Variants in PCDHGA7 observed in about 807,000 individuals in gnomAD.
The protein encoded by PCDHGA7 is protocadherin gamma subfamily A, 7.
A neutral mutation model predicts 58.3 loss-of-function variants in PCDHGA7; 44 were observed. That is an observed-to-expected ratio of 0.75 (90% CI 0.59 to 0.97). PCDHGA7 has a LOEUF of 0.97. PCDHGA7 is among the 50% of genes least tolerant of loss of function. PCDHGA7 has a pLI of 0.00. For synonymous variants in PCDHGA7, 516 were observed against 504.2 expected (o/e 1.02, Z -0.31); for missense variants, 1,266 against 1,188.7 (o/e 1.06, Z -0.96).
chr5:141,482,591 A>G lies in PCDHGA7; in HGVS notation c.2425-12216A>G, dbSNP rs115650612. Among the ~76,000 whole-genome samples the G allele has an allele frequency of 6.3e-4, 95 of 151,838 alleles. 1 individual carries two copies. The highest frequency in any genetic ancestry group is 2.3e-3 in the African/African-American group (95 of 41,350). On this transcript the variant is annotated intron_variant, in intron 1 of 3. Coordinates refer to ENST00000518325, the MANE Select transcript of PCDHGA7 (RefSeq NM_018920.4). ...ATAGCATAAGATGCAGTGGGACCAA[A>G]CGGGAAAAAACACCTAAATGAGCCT...
intron 1 of PCDHGA7, chr5:141,428,048 G>A: frequency 6.2e-7 from 1 of 1,608,900 alleles, no homozygotes; most frequent in Admixed American, 1.7e-5. Context: ...TGGTGACCAA[G>A]GTGGTGGCGG....
chr5:141,509,144 G>A (rs969990007), intron 3 of PCDHGA7, among the ~76,000 whole-genome samples: 1 of 152,114 alleles, frequency 6.6e-6, no homozygotes, highest in African/African-American at 2.4e-5. Context: ...GGCGCATCCC[G>A]GCTCTCCCCT....
intron 1 of PCDHGA7, chr5:141,389,263 C>G (rs1285877712): frequency 6.2e-7 from 1 of 1,614,028 alleles, no homozygotes; most frequent in Admixed American, 1.7e-5. Flanking sequence ...GTCCACGTGG[C>G]CGAGAACAAC....
chr5:141,465,781 T>G (rs2099109506), intron 1 of PCDHGA7, among the ~76,000 whole-genome samples: 1 of 150,278 alleles, frequency 6.7e-6, no homozygotes, highest in Non-Finnish European at 1.5e-5. Context: ...TTGTTACAGT[T>G]TTTTTTTTTT....
chr5:141,409,686 A>T, intron 1 of PCDHGA7: 3 of 1,613,350 alleles, frequency 1.9e-6, no homozygotes, highest in Non-Finnish European at 2.5e-6. Context: ...GTGGCGAGTG[A>T]CCTAGAGCCC....
chr5:141,511,062 C>T lies in PCDHGA7; in HGVS notation c.2688C>T (p.Tyr896=), dbSNP rs775583963. The change falls in exon 4 of 4, where the codon TAC becomes TAT. Residue 896 remains tyrosine, a synonymous_variant. Transcript: ENST00000518325. ...TGCCCGACTACCGCCAGAATGTCTACATCCCAGGCAGCAATGCCACACTGA... is the reference window on the plus strand; with the variant it reads ...TGCCCGACTACCGCCAGAATGTCTATATCCCAGGCAGCAATGCCACACTGA... ...QHVPDYRQNV[Y]IPGSNATLTN... The T allele has an allele frequency of 6.2e-7, 1 of 1,614,246 alleles. No homozygotes were observed. The highest frequency in any genetic ancestry group is 1.3e-5 in the African/African-American group (1 of 75,064).
At position 141,476,379 on chromosome 5, in the gene PCDHGA7, T is replaced by TTCA. The variant is rs768549633; in HGVS notation, c.2425-18428_2425-18427insTCA. 9 of 1,614,126 alleles carry TTCA rather than the reference T, an allele frequency of 5.6e-6. No homozygotes were observed. The East Asian group carries it at 2.0e-4, about 36-fold the overall frequency. ...AACCGGGAGACCGGAGAGATGTTTG[T>TTCA]GAACGACCGTCTGGATCGAGAGGAG... On this transcript the variant is annotated intron_variant, in intron 1 of 3. Transcript: ENST00000518325. This position sits in a 1 kb window ranked among gnomAD's most constrained non-coding sequence, Gnocchi z 7.6.
intron 1 of PCDHGA7, chr5:141,415,512 T>G (rs997659180): frequency 3.1e-6 from 5 of 1,614,234 alleles, no homozygotes; most frequent in Non-Finnish European, 4.2e-6. Context: ...AGCCCAATTA[T>G]GCGGACACGC....
rs537619617 is a variant in PCDHGA7 at position 141,483,429 on chromosome 5, C to G, written c.2425-11378C>G. On this transcript the variant is annotated intron_variant, in intron 1 of 3. Coordinates refer to ENST00000518325, the MANE Select transcript of PCDHGA7 (RefSeq NM_018920.4). ...ACAGTGGCAGTACAGATGGAGGGAGCTGACTACAATAAAATCATCAGGACT... is the reference window on the plus strand; with the variant it reads ...ACAGTGGCAGTACAGATGGAGGGAGGTGACTACAATAAAATCATCAGGACT... Among the ~76,000 whole-genome samples the G allele has an allele frequency of 5.3e-5, 8 of 152,158 alleles. No individual in the cohort carries two copies. In the East Asian group the frequency reaches 1.5e-3, roughly 29 times the overall value.
intron 1 of PCDHGA7, chr5:141,422,768 T>C: frequency 6.2e-7 from 1 of 1,613,824 alleles, no homozygotes. Context: ...AACACTGGTG[T>C]TCTCTATGCC....
intron 1 of PCDHGA7, among the ~76,000 whole-genome samples, chr5:141,447,123 T>TTTTG (rs1327676720): frequency 6.6e-6 from 1 of 152,160 alleles, no homozygotes; most frequent in Admixed American, 6.6e-5. Context: ...CCATGGATTT[T>TTTTG]TTTGTTTGTT....
intron 1 of PCDHGA7, among the ~76,000 whole-genome samples, chr5:141,453,393 A>G (rs2098764590): frequency 6.6e-6 from 1 of 152,018 alleles, no homozygotes; most frequent in Non-Finnish European, 1.5e-5. Flanking sequence ...CTTAGCCTCC[A>G]AGTGCTGGTA....
At position 141,511,855 on chromosome 5, in the gene PCDHGA7, ATTGT is replaced by A. The variant is rs2099883980; in HGVS notation, c.*686_*689del. ...GGACCAGTCTTCTGTTTTGTTTTTCATTGTTTGACGTTTCCACTGCATGCCTTGA... is the reference window on the plus strand; with the variant it reads ...GGACCAGTCTTCTGTTTTGTTTTTCATTGACGTTTCCACTGCATGCCTTGA... On this transcript the variant is annotated 3_prime_UTR_variant, in exon 4 of 4. Coordinates refer to ENST00000518325, the MANE Select transcript of PCDHGA7 (RefSeq NM_018920.4). 1 of 156,316 alleles carries A rather than the reference ATTGT, an allele frequency of 6.4e-6. No individual in the cohort carries two copies. Among genetic ancestry groups the A allele is most frequent in the South Asian group, 2.0e-4 (1 of 5,082 alleles). The allele number at this position is 156,316 out of a possible 1,614,324, so 9.7% of individuals were successfully genotyped here.
chr5:141,490,317 C>A lies in PCDHGA7; in HGVS notation c.2425-4490C>A, dbSNP rs2233604. ...TATTGGCCTCTTTGGCCAACCCTGT[C>A]CTAGAGAGCACACCAGTGGGCACAG... On this transcript the variant is annotated intron_variant, in intron 1 of 3. Coordinates refer to ENST00000518325, the MANE Select transcript of PCDHGA7 (RefSeq NM_018920.4). The surrounding 1 kb of genome is among the most constrained non-coding windows in gnomAD (Gnocchi z 5.4). 32,069 of 1,614,158 alleles carry A rather than the reference C, an allele frequency of 0.02. 521 individuals carry two copies. Among genetic ancestry groups the A allele is most frequent in the African/African-American group, 0.081 (6,098 of 75,022 alleles).
chr5:141,478,903 C>T lies in PCDHGA7; in HGVS notation c.2425-15904C>T. On this transcript the variant is annotated intron_variant, in intron 1 of 3. Transcript: ENST00000518325. Reference sequence around the variant, plus strand: ...TGGTATCATTTACATTAGGAATAAGCTGCTGGATACCTCTAACCAGTGGCA... The same window carrying T: ...TGGTATCATTTACATTAGGAATAAGTTGCTGGATACCTCTAACCAGTGGCA... 4.2e-6 allele frequency: 4 copies of T among 957,824 alleles called. No homozygotes were observed. The South Asian group carries it at 7.3e-5, about 18-fold the overall frequency. 59.3% of individuals were successfully genotyped at this position (957,824 alleles called of 1,614,324 possible). A position where few individuals can be genotyped will look rare whatever the true frequency, so the allele number is the denominator to read the frequency against.
intron 1 of PCDHGA7, chr5:141,418,561 T>C: frequency 1.2e-6 from 2 of 1,614,006 alleles, no homozygotes; most frequent in Non-Finnish European, 1.7e-6. Context: ...TGGTAATAGA[T>C]GCCAATGACA....
In PCDHGA7 at chr5:141,483,413, G is replaced by A. The variant is rs112015754; in HGVS notation, c.2425-11394G>A. 5.9e-4 allele frequency among the ~76,000 whole-genome samples: 90 copies of A among 152,300 alleles called. 1 individual carries two copies. Among genetic ancestry groups the A allele is most frequent in the African/African-American group, 1.7e-3 (69 of 41,584 alleles). ...AAATGCTTGAACCAGCACAGTGGCA[G>A]TACAGATGGAGGGAGCTGACTACAA... On this transcript the variant is annotated intron_variant, in intron 1 of 3. Transcript: ENST00000518325.
At position 141,493,904 on chromosome 5, in the gene PCDHGA7, G is replaced by A. The variant is rs1204744465; in HGVS notation, c.2425-903G>A. Among the ~76,000 whole-genome samples, 1 of 152,216 alleles carries A rather than the reference G, an allele frequency of 6.6e-6. No individual in the cohort carries two copies. Among genetic ancestry groups the A allele is most frequent in the Non-Finnish European group, 1.5e-5 (1 of 68,028 alleles). On this transcript the variant is annotated intron_variant, in intron 1 of 3. Transcript: ENST00000518325. The surrounding 1 kb of genome is among the most constrained non-coding windows in gnomAD (Gnocchi z 4.3). ...GGCTCTAGGAGTGCTCCATGAGAGT[G>A]TGTGATGGGATAACACACCCCCTGG...
intron 1 of PCDHGA7, among the ~76,000 whole-genome samples, chr5:141,437,052 T>A (rs986734485): frequency 6.6e-5 from 10 of 152,258 alleles, no homozygotes; most frequent in Non-Finnish European, 1.3e-4. Flanking sequence ...AGAAGGCTGG[T>A]GATCATTATT....
Sources: gnomAD v4.1 joint callset for allele counts (sites outside exome capture counted in the v4.1 genomes callset) on GRCh38, gnomAD v4.1.1 for gene constraint, Gnocchi (gnomAD v3.1) non-coding constraint, MANE v1.5 for transcripts, NCBI Gene and HGNC (gene_info 2026-07-23, HGNC 2026-07-21) for gene names.